GRID2: variants seen among roughly 807,000 people sequenced by gnomAD.
GRID2 encodes glutamate ionotropic receptor delta type subunit 2.
In GRID2, 33 loss-of-function variants were observed where a neutral mutation model predicts 114.8. The observed-to-expected ratio is 0.29, with a 90% CI of 0.22 to 0.38. GRID2 has a LOEUF of 0.38. GRID2 is among the 10% of genes least tolerant of loss of function. The pLI is 1.00. For synonymous variants in GRID2, 505 were observed against 449.9 expected (o/e 1.12, Z -1.55); for missense variants, 1,184 against 1,257.7 (o/e 0.94, Z 0.89).
At chr4:93,629,432 T>G (rs1280003158) in intron 14 of GRID2, among the ~76,000 whole-genome samples, 1 of 152,164 alleles carries the variant, frequency 6.6e-6, no homozygotes, top group Non-Finnish European at 1.5e-5. Flanking sequence ...TATACACATG[T>G]GCCACATTAA....
intron 2 of GRID2, among the ~76,000 whole-genome samples, chr4:92,782,633 A>G (rs1249652313): frequency 6.6e-6 from 1 of 152,132 alleles, no homozygotes; most frequent in African/African-American, 2.4e-5. Context: ...CAAACCTGTG[A>G]TTAGAGAGCA....
chr4:93,718,010 C>T (rs1729049762), intron 14 of GRID2, among the ~76,000 whole-genome samples: 1 of 152,104 alleles, frequency 6.6e-6, no homozygotes, highest in Non-Finnish European at 1.5e-5. Flanking sequence ...AATCCCAGCA[C>T]TTTGGGAGGC....
At chr4:93,152,820 G>T (rs1259879887) in intron 4 of GRID2, among the ~76,000 whole-genome samples, 1 of 152,040 alleles carries the variant, frequency 6.6e-6, no homozygotes, top group Non-Finnish European at 1.5e-5. Flanking sequence ...GAATTAAATG[G>T]TGCAAAGGTG....
chr4:93,708,502 T>C (rs1463425386), intron 14 of GRID2, among the ~76,000 whole-genome samples: 2 of 152,048 alleles, frequency 1.3e-5, no homozygotes, highest in Non-Finnish European at 2.9e-5. Context: ...TCTTTTCCGA[T>C]TCCCATCTGC....
intron 14 of GRID2, among the ~76,000 whole-genome samples, chr4:93,768,568 A>G (rs1241945920): frequency 6.6e-6 from 1 of 152,222 alleles, no homozygotes; most frequent in Non-Finnish European, 1.5e-5. Context: ...TTTCCAAGGT[A>G]AGATTACTTC....
chr4:93,213,700 T>C (rs1237174356), intron 5 of GRID2, among the ~76,000 whole-genome samples: 2 of 152,160 alleles, frequency 1.3e-5, no homozygotes, highest in Non-Finnish European at 2.9e-5. Context: ...AAAGCTGATA[T>C]ACTACAAGGA....
At chr4:92,887,004 A>G (rs541630346) in intron 2 of GRID2, among the ~76,000 whole-genome samples, 26 of 152,302 alleles carry the variant, frequency 1.7e-4, no homozygotes, top group African/African-American at 5.8e-4. Flanking sequence ...CCCTTTTACA[A>G]TTATCTCCTG....
chr4:93,079,001 C>A (rs1455418761), intron 2 of GRID2, among the ~76,000 whole-genome samples: 3 of 149,728 alleles, frequency 2.0e-5, no homozygotes, highest in Admixed American at 6.7e-5. Flanking sequence ...TGTGTTCCAG[C>A]CTTGTCTCTA....
At chr4:93,465,217 A>G (rs1454821469) in intron 11 of GRID2, among the ~76,000 whole-genome samples, 2 of 152,210 alleles carry the variant, frequency 1.3e-5, no homozygotes, top group South Asian at 2.1e-4. Flanking sequence ...TCAAATACAT[A>G]CTAAGTTGTG....
chr4:93,588,853 A>C (rs1365158601), intron 13 of GRID2, among the ~76,000 whole-genome samples: 2 of 152,158 alleles, frequency 1.3e-5, no homozygotes, highest in South Asian at 2.1e-4. Context: ...ATTTGACAAC[A>C]CTGGACCTGC....
intron 6 of GRID2, among the ~76,000 whole-genome samples, chr4:93,218,832 G>T (rs1245637319): frequency 1.3e-5 from 2 of 152,172 alleles, no homozygotes; most frequent in African/African-American, 2.4e-5. Context: ...GGTGAAAGGG[G>T]AAGCAAACAT....
intron 1 of GRID2, among the ~76,000 whole-genome samples, chr4:92,487,598 T>TA (rs1722955883): frequency 2.6e-5 from 4 of 152,210 alleles, no homozygotes; most frequent in Admixed American, 2.6e-4. Flanking sequence ...TGCAAGAATT[T>TA]CTATCTTTTT....
At chr4:92,337,185 A>G (rs371361172) in intron 1 of GRID2, among the ~76,000 whole-genome samples, 44 of 152,122 alleles carry the variant, frequency 2.9e-4, no homozygotes, top group African/African-American at 1.0e-3. Flanking sequence ...TTATTGTTTC[A>G]TAAACTCTGT....
chr4:93,793,293 A>G (rs1429127126), intron 1 of GRID2, among the ~76,000 whole-genome samples: 3 of 152,188 alleles, frequency 2.0e-5, no homozygotes, highest in Non-Finnish European at 4.4e-5. Context: ...AAGAAGCCAC[A>G]CCTAGCAGGC....
chr4:92,439,931 C>T (rs565145459), intron 1 of GRID2, among the ~76,000 whole-genome samples: 2,390 of 145,390 alleles, frequency 0.016, 269 homozygotes, highest in Non-Finnish European at 0.023. Flanking sequence ...TAGTTGAGAA[C>T]GGTGAATAGG....
At chr4:93,667,306 G>C (rs1431253586) in intron 14 of GRID2, among the ~76,000 whole-genome samples, 1 of 151,888 alleles carries the variant, frequency 6.6e-6, no homozygotes, top group East Asian at 1.9e-4. Context: ...AGACAGACTA[G>C]CATGGCATAA....
At chr4:92,475,791 A>G (rs962015928) in intron 1 of GRID2, among the ~76,000 whole-genome samples, 1 of 151,978 alleles carries the variant, frequency 6.6e-6, no homozygotes, top group Non-Finnish European at 1.5e-5. Flanking sequence ...TATTATTTCA[A>G]ACCAAGAATA....
intron 2 of GRID2, among the ~76,000 whole-genome samples, chr4:92,604,020 T>C (rs2149221819): frequency 6.6e-6 from 1 of 152,248 alleles, no homozygotes; most frequent in Middle Eastern, 3.4e-3. Context: ...ATGGCAATTA[T>C]TAAAATGTTA....
chr4:92,736,941 G>A (rs929147610), intron 2 of GRID2, among the ~76,000 whole-genome samples: 1 of 152,074 alleles, frequency 6.6e-6, no homozygotes, highest in African/African-American at 2.4e-5. Context: ...TGGTTGCTTG[G>A]AGAGGGACAG....
Sources: allele counts gnomAD v4.1 joint callset (sites outside exome capture counted in the v4.1 genomes callset), GRCh38; gene constraint gnomAD v4.1.1; transcripts MANE v1.5; gene names NCBI Gene and HGNC (gene_info 2026-07-23, HGNC 2026-07-21).